The following TSHZ2 variants were observed in gnomAD, a reference collection of about 807,000 sequenced individuals.
The protein encoded by TSHZ2 is teashirt zinc finger homeobox 2, also known as teashirt homolog 2.
In TSHZ2, 21 loss-of-function variants were observed where a neutral mutation model predicts 74.4. The ratio of observed to expected loss-of-function variants is 0.28; its 90% confidence interval spans 0.20 to 0.41. The LOEUF is 0.41. Among genes scored for constraint, TSHZ2 ranks in the 10% least tolerant of loss-of-function variants. The pLI is 1.00. For missense variants in TSHZ2, 1,244 were observed against 1,293.5 expected (o/e 0.96, Z 0.59); for synonymous variants, 540 against 515.3 (o/e 1.05, Z -0.65).
chr20:53,007,846 T>C (rs1186527377), intron 1 of TSHZ2, among the ~76,000 whole-genome samples: 4 of 151,896 alleles, frequency 2.6e-5, no homozygotes, highest in African/African-American at 7.3e-5. Context: ...CCAAATTAGG[T>C]TTCATCAGGA....
At chr20:53,375,419 G>A (rs987624362) in intron 2 of TSHZ2, among the ~76,000 whole-genome samples, 22 of 152,286 alleles carry the variant, frequency 1.4e-4, no homozygotes, top group Non-Finnish European at 2.8e-4. Flanking sequence ...GGATGTGAGG[G>A]GTGATATGAG....
chr20:53,415,940 A>G (rs527436042), intron 2 of TSHZ2, among the ~76,000 whole-genome samples: 32 of 152,310 alleles, frequency 2.1e-4, no homozygotes, highest in South Asian at 4.1e-4. Context: ...AACAAAAGCT[A>G]AATAATGCCT....
intron 2 of TSHZ2, among the ~76,000 whole-genome samples, chr20:53,396,991 C>T (rs899208815): frequency 1.3e-5 from 2 of 152,144 alleles, no homozygotes; most frequent in African/African-American, 4.8e-5. Context: ...GGATTAAAGA[C>T]TTAAATGTTA....
intron 1 of TSHZ2, among the ~76,000 whole-genome samples, chr20:53,065,123 G>A (rs528375369): frequency 8.5e-5 from 13 of 152,244 alleles, no homozygotes; most frequent in Middle Eastern, 3.4e-3. Flanking sequence ...CATTCGCCTC[G>A]TCTGCAGGAT....
At chr20:52,996,307 TTTTATTTATTTATTTA>T (rs56169663) in intron 1 of TSHZ2, among the ~76,000 whole-genome samples, 7,256 of 145,308 alleles carry the variant, frequency 0.05, 620 homozygotes, top group African/African-American at 0.17. Flanking sequence ...CCTTTCAGGT[TTTTATTTATTTATTTA>T]TTTATTTATT....
At chr20:53,284,694 AT>A (rs1555846016) in intron 2 of TSHZ2, among the ~76,000 whole-genome samples, 1 of 151,660 alleles carries the variant, frequency 6.6e-6, no homozygotes, top group Non-Finnish European at 1.5e-5. Flanking sequence ...TCTTGTTGGG[AT>A]TTTCCCCCCT....
At chr20:53,112,198 G>A (rs1272445705) in intron 1 of TSHZ2, among the ~76,000 whole-genome samples, 2 of 152,196 alleles carry the variant, frequency 1.3e-5, no homozygotes, top group Admixed American at 6.5e-5. Context: ...CCTGCTTAGG[G>A]AGCAGGGAGA....
chr20:53,072,375 C>T (rs1985203695), intron 1 of TSHZ2, among the ~76,000 whole-genome samples: 2 of 152,110 alleles, frequency 1.3e-5, no homozygotes, highest in South Asian at 4.1e-4. Flanking sequence ...TATCAATTAC[C>T]ACTTGGGGGA....
At chr20:53,228,918 T>C (rs550673834) in intron 1 of TSHZ2, among the ~76,000 whole-genome samples, 1 of 152,336 alleles carries the variant, frequency 6.6e-6, no homozygotes, top group East Asian at 1.9e-4. Context: ...GGTCCCTTTA[T>C]GTCTCAACAG....
intron 2 of TSHZ2, among the ~76,000 whole-genome samples, chr20:53,357,863 CTG>C (rs1355428533): frequency 6.6e-6 from 1 of 152,178 alleles, no homozygotes; most frequent in East Asian, 1.9e-4. Flanking sequence ...CCTTCTGACT[CTG>C]TTTATTCTTA....
At chr20:52,974,094 C>T (rs945141857) in intron 1 of TSHZ2, among the ~76,000 whole-genome samples, 2 of 152,158 alleles carry the variant, frequency 1.3e-5, no homozygotes, top group Non-Finnish European at 2.9e-5. Flanking sequence ...AAGATAAGAA[C>T]AGGTTAATGG....
intron 2 of TSHZ2, among the ~76,000 whole-genome samples, chr20:53,480,371 C>T (rs552551181): frequency 1.5e-4 from 23 of 151,592 alleles, no homozygotes; most frequent in Admixed American, 1.5e-3. Flanking sequence ...GCCCAGCCAA[C>T]CCAGGTGTTT....
At chr20:52,987,495 TTCCCTCTCTCTTTC>T (rs1981817282) in intron 1 of TSHZ2, among the ~76,000 whole-genome samples, 2 of 150,476 alleles carry the variant, frequency 1.3e-5, no homozygotes, top group South Asian at 4.2e-4. Context: ...CTCTCTCTCT[TTCCCTCTCTCTTTC>T]TCCCTCTCTC....
intron 1 of TSHZ2, among the ~76,000 whole-genome samples, chr20:53,096,822 C>T (rs1986063362): frequency 6.6e-6 from 1 of 151,496 alleles, no homozygotes; most frequent in Admixed American, 6.6e-5. Flanking sequence ...GCAGAGGTAG[C>T]AGTGAGGTGA....
At chr20:53,186,042 C>T (rs1988589281) in intron 1 of TSHZ2, among the ~76,000 whole-genome samples, 1 of 152,180 alleles carries the variant, frequency 6.6e-6, no homozygotes, top group Non-Finnish European at 1.5e-5. Flanking sequence ...CTTCCAATGT[C>T]TCTCCTTTCT....
chr20:53,330,787 C>T (rs1029873552), intron 2 of TSHZ2, among the ~76,000 whole-genome samples: 1 of 152,284 alleles, frequency 6.6e-6, no homozygotes, highest in Non-Finnish European at 1.5e-5. Flanking sequence ...CCAAAGCAAG[C>T]GATTAAAGAG....
chr20:53,128,722 A>G (rs1212335841), intron 1 of TSHZ2, among the ~76,000 whole-genome samples: 3 of 151,968 alleles, frequency 2.0e-5, no homozygotes, highest in Non-Finnish European at 4.4e-5. Flanking sequence ...CCCAAGTTCA[A>G]GTGATTCTCC....
chr20:53,477,878 A>C, intron 2 of TSHZ2, among the ~76,000 whole-genome samples: 1 of 151,284 alleles, frequency 6.6e-6, no homozygotes, highest in Non-Finnish European at 1.5e-5. Flanking sequence ...TCTCAAAAGA[A>C]GACATTTATG....
chr20:53,219,913 A>G (rs1057457829), intron 1 of TSHZ2, among the ~76,000 whole-genome samples: 5 of 152,222 alleles, frequency 3.3e-5, no homozygotes, highest in Admixed American at 3.3e-4. Context: ...AGACACCTCT[A>G]ATATAGTGTT....
Sources: allele counts gnomAD v4.1 joint callset (sites outside exome capture counted in the v4.1 genomes callset), GRCh38; gene constraint gnomAD v4.1.1; transcripts MANE v1.5; gene names NCBI Gene and HGNC (gene_info 2026-07-23, HGNC 2026-07-21).